The following LDLRAD3 variants were observed in gnomAD, a reference collection of about 807,000 sequenced individuals.
The protein encoded by LDLRAD3 is low-density lipoprotein receptor class A domain-containing protein 3.
In LDLRAD3, 20 loss-of-function variants were observed where a neutral mutation model predicts 29.4. That is an observed-to-expected ratio of 0.68 (90% confidence interval 0.48 to 0.99). The LOEUF (loss-of-function observed/expected upper bound fraction) is 0.99, where lower values mean the gene tolerates loss of function less well. Ranked by LOEUF, LDLRAD3 falls within the 50% of genes least tolerant of loss-of-function variation. LDLRAD3 has a pLI of 0.00. For missense variants in LDLRAD3, 420 were observed against 454.3 expected (o/e 0.92, Z 0.69); for synonymous variants, 157 against 192.7 (o/e 0.81, Z 1.53).
At chr11:36,121,396 G>A (rs749933093) in intron 4 of LDLRAD3, among the ~76,000 whole-genome samples, 2 of 151,892 alleles carry the variant, frequency 1.3e-5, no homozygotes, top group African/African-American at 2.4e-5. Flanking sequence ...TATAAATGAA[G>A]AGCCACAGAG....
chr11:35,974,134 T>A (rs1482475794), intron 1 of LDLRAD3, among the ~76,000 whole-genome samples: 1 of 152,194 alleles, frequency 6.6e-6, no homozygotes, highest in Non-Finnish European at 1.5e-5. Flanking sequence ...TTAATCAGAT[T>A]TATTAGTCTT....
chr11:36,056,352 T>G (rs13377557), intron 2 of LDLRAD3, among the ~76,000 whole-genome samples: 9,366 of 152,248 alleles, frequency 0.062, 341 homozygotes, highest in South Asian at 0.13. Context: ...CCCAATGCTC[T>G]GCATGGATGA....
chr11:36,030,220 C>T (rs1197345669), intron 1 of LDLRAD3, among the ~76,000 whole-genome samples: 2 of 152,204 alleles, frequency 1.3e-5, no homozygotes, highest in African/African-American at 4.8e-5. Context: ...TTCTTGGTGA[C>T]AGCTAGAGTG....
chr11:36,084,750 A>G (rs1853170722), intron 3 of LDLRAD3, among the ~76,000 whole-genome samples: 1 of 152,178 alleles, frequency 6.6e-6, no homozygotes, highest in Admixed American at 6.5e-5. Flanking sequence ...TAAAAAATTG[A>G]TGGGGCCTTC....
intron 1 of LDLRAD3, among the ~76,000 whole-genome samples, chr11:36,020,285 A>G (rs1852079837): frequency 2.0e-5 from 3 of 152,200 alleles, no homozygotes. Context: ...TAATATGAAT[A>G]AAAACATGAA....
At chr11:36,125,484 C>T (rs75254646) in intron 4 of LDLRAD3, among the ~76,000 whole-genome samples, 3,396 of 152,278 alleles carry the variant, frequency 0.022, 122 homozygotes, top group African/African-American at 0.078. Context: ...TGCTGTTAGT[C>T]ATCATGATTA....
At chr11:36,097,813 A>G (rs563215998) in intron 3 of LDLRAD3, among the ~76,000 whole-genome samples, 1 of 152,016 alleles carries the variant, frequency 6.6e-6, no homozygotes, top group East Asian at 1.9e-4. Flanking sequence ...TACCCCGTAT[A>G]TTTGCATAAA....
intron 1 of LDLRAD3, among the ~76,000 whole-genome samples, chr11:36,033,291 A>C (rs1852262345): frequency 6.6e-6 from 1 of 152,146 alleles, no homozygotes; most frequent in Non-Finnish European, 1.5e-5. Context: ...GTTATTGTTC[A>C]CCAGGCCCCA....
intron 1 of LDLRAD3, among the ~76,000 whole-genome samples, chr11:35,956,498 A>G (rs997277646): frequency 6.6e-6 from 1 of 152,194 alleles, no homozygotes; most frequent in Non-Finnish European, 1.5e-5. Context: ...AAGATCCCCA[A>G]GTGATACATG....
At chr11:36,224,464 T>G (rs536970257) in intron 4 of LDLRAD3, among the ~76,000 whole-genome samples, 1 of 152,226 alleles carries the variant, frequency 6.6e-6, no homozygotes, top group Non-Finnish European at 1.5e-5. Flanking sequence ...CCACCCAGCT[T>G]CTAATTGTCT....
chr11:35,955,013 G>A (rs1851183730), intron 1 of LDLRAD3, among the ~76,000 whole-genome samples: 1 of 152,236 alleles, frequency 6.6e-6, no homozygotes. Flanking sequence ...GGGAGGCCGA[G>A]GCGGGCAGAT....
At chr11:36,195,534 A>G (rs1219688913) in intron 4 of LDLRAD3, among the ~76,000 whole-genome samples, 2 of 152,170 alleles carry the variant, frequency 1.3e-5, no homozygotes, top group Non-Finnish European at 2.9e-5. Context: ...GTAGCTTTTC[A>G]TGATTAAGGC....
chr11:36,196,737 T>C (rs3812771), intron 4 of LDLRAD3: 12,286 of 152,294 alleles, frequency 0.081, 542 homozygotes, highest in East Asian at 0.19. Context: ...CAGCTCTGCA[T>C]ACAGTCATGT....
intron 4 of LDLRAD3, among the ~76,000 whole-genome samples, chr11:36,141,037 C>CTCTCTCTCTCTCA (rs1389366552): frequency 4.4e-5 from 2 of 45,520 alleles, no homozygotes; most frequent in South Asian, 9.1e-4. Context: ...TCTCTCTCTC[C>CTCTCTCTCTCTCA]GTGTGGGGGT....
At chr11:36,085,267 C>T (rs772681658) in intron 3 of LDLRAD3, among the ~76,000 whole-genome samples, 1 of 151,734 alleles carries the variant, frequency 6.6e-6, no homozygotes, top group Admixed American at 6.6e-5. Context: ...CTGGCTTTTA[C>T]GATTTCTGGA....
rs573134281 is a variant in LDLRAD3 at position 36,110,805 on chromosome 11, G to A, written c.454+12344G>A. On this transcript the variant is annotated intron_variant, in intron 4 of 5. Transcript: ENST00000315571. ...CTCAAGTGTGATAAATGCTGTAATA[G>A]AGGAATGAGCAGCATGCCGTGGGAG... Among the ~76,000 whole-genome samples, 3 of 152,360 alleles carry A rather than the reference G, an allele frequency of 2.0e-5. 1 individual carries two copies. The East Asian group carries it at 5.8e-4, about 29-fold the overall frequency.
chr11:36,161,029 A>G (rs948288340), intron 4 of LDLRAD3, among the ~76,000 whole-genome samples: 2 of 152,190 alleles, frequency 1.3e-5, no homozygotes, highest in Admixed American at 6.5e-5. Context: ...GCCTGACCTC[A>G]GGTGATCTGC....
At chr11:36,170,862 C>T (rs1303191572) in intron 4 of LDLRAD3, among the ~76,000 whole-genome samples, 2 of 148,394 alleles carry the variant, frequency 1.3e-5, no homozygotes, top group Non-Finnish European at 3.0e-5. Flanking sequence ...AGTGCAGGGG[C>T]GCGATCTTGG....
At position 36,201,536 on chromosome 11, in the gene LDLRAD3, T is replaced by A. The variant is rs539785418; in HGVS notation, c.455-25549T>A. On this transcript the variant is annotated intron_variant, in intron 4 of 5. Transcript: ENST00000315571. ...AAGTGTAAAATTAACTAACTTGCAA[T>A]TAATTTCAACAGTCATTATGCAAAA... 2.0e-5 allele frequency among the ~76,000 whole-genome samples: 3 copies of A among 152,340 alleles called. No individual in the cohort carries two copies. In the South Asian group the frequency reaches 6.2e-4, roughly 32 times the overall value.
Sources: allele counts gnomAD v4.1 joint callset (sites outside exome capture counted in the v4.1 genomes callset), GRCh38; gene constraint gnomAD v4.1.1; transcripts MANE v1.5; gene names NCBI Gene and HGNC (gene_info 2026-07-23, HGNC 2026-07-21).